The following PHLDB2 variants were observed in gnomAD, a reference collection of about 807,000 sequenced individuals.
PHLDB2 encodes the protein pleckstrin homology-like domain family B member 2.
A neutral mutation model predicts 123.6 loss-of-function variants in PHLDB2; 71 were observed. The observed-to-expected ratio is 0.57, with a 90% CI of 0.47 to 0.70. The LOEUF (loss-of-function observed/expected upper bound fraction) is 0.70, where lower values mean the gene tolerates loss of function less well. Among genes scored for constraint, PHLDB2 ranks in the 30% least tolerant of loss-of-function variants. PHLDB2 has a pLI of 0.00. For missense variants in PHLDB2, 1,446 were observed against 1,519.5 expected, an observed-to-expected ratio of 0.95 and a Z score of 0.80; for synonymous variants, 547 against 541.6, an observed-to-expected ratio of 1.01 and a Z score of -0.14.
chr3:111,835,712 A>T (rs892704613), intron 1 of PHLDB2, among the ~76,000 whole-genome samples: 4 of 152,196 alleles, frequency 2.6e-5, no homozygotes, highest in Non-Finnish European at 4.4e-5. Context: ...ATCATCTGAA[A>T]TCTTACTCAC....
chr3:111,871,697 G>T (rs1414422914), intron 1 of PHLDB2, among the ~76,000 whole-genome samples: 1 of 152,128 alleles, frequency 6.6e-6, no homozygotes, highest in Non-Finnish European at 1.5e-5. Flanking sequence ...TTTCTTCGGT[G>T]TGTTTTCATT....
intron 5 of PHLDB2, among the ~76,000 whole-genome samples, chr3:111,926,505 G>A (rs1311743924): frequency 1.3e-5 from 2 of 152,116 alleles, no homozygotes; most frequent in Non-Finnish European, 2.9e-5. Flanking sequence ...GGGATTTGGG[G>A]ATTAAATCAA....
At chr3:111,929,506 T>C (rs2068994204) in intron 5 of PHLDB2, among the ~76,000 whole-genome samples, 1 of 152,216 alleles carries the variant, frequency 6.6e-6, no homozygotes, top group Admixed American at 6.5e-5. Context: ...CTGTAGAAGG[T>C]GAAACTTTCA....
chr3:111,961,854 G>C (rs1233445035), intron 12 of PHLDB2: 4 of 464,080 alleles, frequency 8.6e-6, no homozygotes, highest in Non-Finnish European at 1.5e-5. Flanking sequence ...GTTGTGCTGA[G>C]ATGTAGGAAT....
At chr3:111,732,515 G>A (rs927455337) in exon 1 of PHLDB2, 2 of 1,041,388 alleles carry the variant, frequency 1.9e-6, no homozygotes, top group South Asian at 2.7e-5. Flanking sequence ...GTCTGCAGAG[G>A]CCAGAGAGAG....
intron 1 of PHLDB2, among the ~76,000 whole-genome samples, chr3:111,758,509 C>A (rs1360967439): frequency 6.6e-6 from 1 of 152,192 alleles, no homozygotes; most frequent in Non-Finnish European, 1.5e-5. Context: ...CCATCTGTCA[C>A]CCCTTTCTTT....
chr3:111,827,213 C>T (rs149818179), intron 1 of PHLDB2, among the ~76,000 whole-genome samples: 283 of 152,310 alleles, frequency 1.9e-3, no homozygotes, highest in Middle Eastern at 3.4e-3. Flanking sequence ...CCACATCCTT[C>T]CTCTAACCTT....
At chr3:111,898,973 A>C (rs2067035672) in intron 2 of PHLDB2, among the ~76,000 whole-genome samples, 1 of 152,286 alleles carries the variant, frequency 6.6e-6, no homozygotes, top group East Asian at 1.9e-4. Context: ...AAATGTCAAT[A>C]CCTCCTCTTC....
intron 2 of PHLDB2, among the ~76,000 whole-genome samples, chr3:111,912,968 C>T (rs2107503425): frequency 6.6e-6 from 1 of 152,272 alleles, no homozygotes; most frequent in South Asian, 2.1e-4. Flanking sequence ...AGAGTAAGAC[C>T]TTGTCTTTCT....
At chr3:111,751,813 A>G (rs2059781685) in intron 1 of PHLDB2, among the ~76,000 whole-genome samples, 1 of 152,104 alleles carries the variant, frequency 6.6e-6, no homozygotes, top group Admixed American at 6.5e-5. Flanking sequence ...CCTTGTGCAC[A>G]TGTACCCTAA....
chr3:111,837,770 C>T (rs529241377), intron 1 of PHLDB2, among the ~76,000 whole-genome samples: 7 of 152,254 alleles, frequency 4.6e-5, no homozygotes, highest in African/African-American at 9.6e-5. Context: ...TGGCCGGGCA[C>T]GGTGGTTCAC....
At chr3:111,866,915 C>T (rs1265010767) in intron 1 of PHLDB2, among the ~76,000 whole-genome samples, 3 of 129,994 alleles carry the variant, frequency 2.3e-5, no homozygotes, top group Non-Finnish European at 3.4e-5. Context: ...TCTTCCTTAA[C>T]ATAAGTTTCT....
intron 2 of PHLDB2, among the ~76,000 whole-genome samples, chr3:111,853,976 A>G (rs2064372770): frequency 6.6e-6 from 1 of 152,216 alleles, no homozygotes; most frequent in Admixed American, 6.5e-5. Context: ...GTCCGTTCTC[A>G]CACTCCTATA....
intron 12 of PHLDB2, among the ~76,000 whole-genome samples, chr3:111,956,253 T>C (rs1357949885): frequency 6.6e-6 from 1 of 152,192 alleles, no homozygotes; most frequent in Non-Finnish European, 1.5e-5. Flanking sequence ...TAGAACTTTA[T>C]AGTAAATAAA....
intron 5 of PHLDB2, among the ~76,000 whole-genome samples, chr3:111,930,133 C>T (rs1009014923): frequency 6.6e-6 from 1 of 151,304 alleles, no homozygotes; most frequent in African/African-American, 2.4e-5. Flanking sequence ...AGGATGGTCT[C>T]GATCTTCTGA....
At chr3:111,799,470 T>G (rs1240738617) in intron 1 of PHLDB2, among the ~76,000 whole-genome samples, 2 of 152,202 alleles carry the variant, frequency 1.3e-5, no homozygotes, top group Non-Finnish European at 2.9e-5. Context: ...CAATTGGTCT[T>G]TAAAAATATA....
chr3:111,745,133 G>A (rs2059661958), intron 1 of PHLDB2, among the ~76,000 whole-genome samples: 3 of 152,174 alleles, frequency 2.0e-5, no homozygotes, highest in Non-Finnish European at 4.4e-5. Context: ...CAAAATAGTT[G>A]CATCTGTAAA....
chr3:111,933,044 G>T (rs965167436), intron 6 of PHLDB2, among the ~76,000 whole-genome samples: 1 of 152,182 alleles, frequency 6.6e-6, no homozygotes, highest in Non-Finnish European at 1.5e-5. Flanking sequence ...CTTAAGGTTG[G>T]CAGCGTTTAA....
chr3:111,886,500 CAA>C (rs758628297), intron 2 of PHLDB2, among the ~76,000 whole-genome samples: 8 of 151,830 alleles, frequency 5.3e-5, no homozygotes, highest in Admixed American at 2.0e-4. Flanking sequence ...ATGTGTGGCC[CAA>C]GACAATTCTT....
Sources: gnomAD v4.1 joint callset for allele counts (sites outside exome capture counted in the v4.1 genomes callset) on GRCh38, gnomAD v4.1.1 for gene constraint, MANE v1.5 for transcripts, NCBI Gene and HGNC (gene_info 2026-07-23, HGNC 2026-07-21) for gene names.